Variants in TPST1 observed in about 807,000 individuals in gnomAD.
The protein encoded by TPST1 is tyrosylprotein sulfotransferase 1, also known as protein-tyrosine sulfotransferase 1.
Under a neutral mutation model 34.8 loss-of-function variants are expected in TPST1, and 20 were observed. The ratio of observed to expected loss-of-function variants is 0.57; its 90% CI spans 0.40 to 0.84. TPST1 has a LOEUF of 0.84. Ranked by LOEUF, TPST1 falls within the 40% of genes least tolerant of loss-of-function variation. The pLI is 0.00. For synonymous variants in TPST1, 152 were observed against 159.4 expected (o/e 0.95, Z 0.35); for missense variants, 353 against 455.5 (o/e 0.78, Z 2.05).
intron 4 of TPST1, 91 bp downstream of exon 4, chr7:66,352,646 A>G: frequency 6.4e-7 from 1 of 1,564,108 alleles, no homozygotes; most frequent in South Asian, 1.2e-5. Context: ...TTAAAAAGAC[A>G]GAAACAAGAA....
upstream of TPST1, among the ~76,000 whole-genome samples, chr7:66,200,484 ATC>A (rs1323037227): frequency 3.3e-5 from 3 of 91,256 alleles, no homozygotes; most frequent in African/African-American, 5.1e-5. Flanking sequence ...CAGTGGCGCA[ATC>A]TCGGCTCACT....
intron 3 of TPST1, among the ~76,000 whole-genome samples, chr7:66,295,694 C>G (rs1026044091): frequency 1.3e-5 from 2 of 152,174 alleles, no homozygotes; most frequent in Non-Finnish European, 2.9e-5. Context: ...GAGTCTTGCT[C>G]TGTTGGCACA....
chr7:66,345,878 A>C (rs1331886116), intron 3 of TPST1, among the ~76,000 whole-genome samples: 1 of 152,078 alleles, frequency 6.6e-6, no homozygotes, highest in Non-Finnish European at 1.5e-5. Context: ...TTAATTATTG[A>C]CTGTAGTCGC....
At chr7:66,320,254 T>C (rs1463195867) in intron 3 of TPST1, among the ~76,000 whole-genome samples, 2 of 144,540 alleles carry the variant, frequency 1.4e-5, no homozygotes, top group South Asian at 2.2e-4. Context: ...TCTTTTTTTT[T>C]TTTTTTTTTT....
intron 2 of TPST1, among the ~76,000 whole-genome samples, chr7:66,248,987 T>C (rs1790209707): frequency 6.6e-6 from 1 of 151,974 alleles, no homozygotes; most frequent in South Asian, 2.1e-4. Context: ...AAGGGCCTGC[T>C]GTCTGGTTCA....
intron 3 of TPST1, among the ~76,000 whole-genome samples, chr7:66,338,385 TA>T: frequency 6.6e-6 from 1 of 152,130 alleles, no homozygotes; most frequent in Non-Finnish European, 1.5e-5. Flanking sequence ...ACAGTAATAC[TA>T]GGGAACATCC....
intron 3 of TPST1, among the ~76,000 whole-genome samples, chr7:66,306,849 G>C (rs1372794364): frequency 2.0e-5 from 3 of 150,642 alleles, no homozygotes; most frequent in Admixed American, 2.0e-4. Flanking sequence ...AGTAGCTTGG[G>C]ATTACGGGCA....
In TPST1 at chr7:66,286,493, A is replaced by T. The variant is rs1791036481; in HGVS notation, c.846-18A>T. ...AAAAATTTTAAATAAATATTTATTCATATTATGTTGTTTTCAGAGTGGAGA... is the reference window on the plus strand; with the variant it reads ...AAAAATTTTAAATAAATATTTATTCTTATTATGTTGTTTTCAGAGTGGAGA... On this transcript the variant is annotated intron_variant, in intron 2 of 5. Coordinates refer to ENST00000304842, the MANE Select transcript of TPST1 (RefSeq NM_003596.4). 6.6e-7 allele frequency: 1 copy of T among 1,505,834 alleles called. No homozygotes were observed. Among genetic ancestry groups the T allele is most frequent in the African/African-American group, 1.4e-5 (1 of 70,138 alleles). 93.3% of individuals were successfully genotyped at this position (1,505,834 alleles called of 1,614,324 possible). A position where few individuals can be genotyped will look rare whatever the true frequency, so the allele number is the denominator to read the frequency against.
intron 1 of TPST1, among the ~76,000 whole-genome samples, chr7:66,239,855 T>G (rs983698785): frequency 6.6e-6 from 1 of 152,146 alleles, no homozygotes; most frequent in Non-Finnish European, 1.5e-5. Flanking sequence ...TAAAACAAAT[T>G]TTACTCATTT....
intron 1 of TPST1, among the ~76,000 whole-genome samples, chr7:66,220,745 A>G: frequency 8.8e-6 from 1 of 113,110 alleles, no homozygotes; most frequent in East Asian, 2.5e-4. Flanking sequence ...CCTTGTACTA[A>G]CGTTATGGTG....
At chr7:66,308,602 G>T (rs1349847700) in intron 3 of TPST1, among the ~76,000 whole-genome samples, 1 of 152,144 alleles carries the variant, frequency 6.6e-6, no homozygotes, top group Admixed American at 6.5e-5. Context: ...TGTGCCCATT[G>T]TTTCTGTCAT....
At chr7:66,231,089 T>A (rs1386741418) in intron 1 of TPST1, among the ~76,000 whole-genome samples, 1 of 131,398 alleles carries the variant, frequency 7.6e-6, no homozygotes, top group Non-Finnish European at 1.7e-5. Context: ...GAGCTAGACA[T>A]AAAGGTTCTC....
chr7:66,234,556 G>A (rs908652704), intron 1 of TPST1, among the ~76,000 whole-genome samples: 8 of 152,210 alleles, frequency 5.3e-5, no homozygotes, highest in Middle Eastern at 3.4e-3. Context: ...AGAATTTTTC[G>A]TGCTTGGAAT....
chr7:66,229,493 G>T (rs1353852738), intron 1 of TPST1, among the ~76,000 whole-genome samples: 1 of 152,128 alleles, frequency 6.6e-6, no homozygotes, highest in East Asian at 1.9e-4. Flanking sequence ...CCTTTTTATT[G>T]CTGAGTACTA....
At chr7:66,338,496 G>GA (rs1792167917) in intron 3 of TPST1, among the ~76,000 whole-genome samples, 1 of 152,152 alleles carries the variant, frequency 6.6e-6, no homozygotes, top group Non-Finnish European at 1.5e-5. Context: ...GATATTTACA[G>GA]AACATTCCAT....
Position 66,286,817 on chromosome 7 carries a change from ATT to A in TPST1, c.1044+121_1044+122del, listed in dbSNP as rs71051348. ...TGCTATTTAATGATCAGAAAAATAT[ATT>A]TTTTTTTTTTTTCATTTATTTTTAT... On this transcript the variant is annotated intron_variant, in intron 3 of 5. Transcript: ENST00000304842. 2.1e-3 allele frequency: 1,327 copies of A among 645,606 alleles called. 2 individuals carry two copies. The highest frequency in any genetic ancestry group is 0.011 in the East Asian group (258 of 24,474). 40.0% of individuals were successfully genotyped at this position (645,606 alleles called of 1,614,324 possible).
At chr7:66,226,268 G>A (rs1327083533) in intron 1 of TPST1, among the ~76,000 whole-genome samples, 5 of 152,078 alleles carry the variant, frequency 3.3e-5, no homozygotes, top group African/African-American at 1.2e-4. Context: ...ATGGGACATA[G>A]GCAAATCTCT....
intron 3 of TPST1, among the ~76,000 whole-genome samples, chr7:66,317,623 A>G (rs542639493): frequency 2.0e-5 from 3 of 151,494 alleles, no homozygotes; most frequent in Admixed American, 6.6e-5. Flanking sequence ...TTAATATCCT[A>G]TAGTCAGAAT....
intron 2 of TPST1, among the ~76,000 whole-genome samples, chr7:66,277,271 A>G (rs75734022): frequency 0.03 from 4,605 of 152,206 alleles, 98 homozygotes; most frequent in Non-Finnish European, 0.051. Flanking sequence ...TTTTGGTTTG[A>G]TGAAACCCTT....
Sources: gnomAD v4.1 joint callset for allele counts (sites outside exome capture counted in the v4.1 genomes callset) on GRCh38, gnomAD v4.1.1 for gene constraint, MANE v1.5 for transcripts, NCBI Gene and HGNC (gene_info 2026-07-23, HGNC 2026-07-21) for gene names.